LANCL3: variants seen among roughly 807,000 people sequenced by gnomAD.
LANCL3 encodes LanC like family member 3.
In LANCL3, 19 loss-of-function variants were observed where a neutral mutation model predicts 26.5. That is an observed-to-expected ratio of 0.72 (90% CI 0.50 to 1.05). The LOEUF is 1.05. LANCL3 is among the 50% of genes least tolerant of loss of function. The pLI is 0.00. For synonymous variants in LANCL3, 160 were observed against 166.6 expected (o/e 0.96, Z 0.30); for missense variants, 318 against 362.7 (o/e 0.88, Z 1.00).
chrX:37,667,478 C>A lies in LANCL3; in HGVS notation c.1092C>A (p.Tyr364Ter). ...YRLTGNSKYI[Y>*]RAQRFAQFLF... ...TCACGGGAAACTCTAAATACATCTA[C>A]CGAGCTCAAAGGTCAGCTGTTCTTT... The change falls in exon 4 of 5, where the codon TAC becomes TAA. Residue 364 changes from tyrosine (Y) to a stop codon, truncating the protein, a stop_gained. Transcript: ENST00000378619. LOFTEE classifies it high-confidence loss of function. The A allele has an allele frequency of 8.7e-7, 1 of 1,156,066 alleles. No individual in the cohort carries two copies. The highest frequency in any genetic ancestry group is 1.1e-6 in the Non-Finnish European group (1 of 872,120).
At chrX:37,641,110 G>C (rs922361407) in intron 1 of LANCL3, among the ~76,000 whole-genome samples, 1 of 110,978 alleles carries the variant, frequency 9.0e-6, no homozygotes, top group South Asian at 3.8e-4. Context: ...ATTATTAAAA[G>C]AAGCCAGAAA....
intron 1 of LANCL3, among the ~76,000 whole-genome samples, chrX:37,582,561 T>G (rs782050990): frequency 9.7e-4 from 109 of 112,362 alleles, no homozygotes; most frequent in Non-Finnish European, 1.7e-3. Context: ...TCATGTGTCT[T>G]TTGGCTGCAT....
chrX:37,602,610 T>C (rs17145741), intron 1 of LANCL3, among the ~76,000 whole-genome samples: 20,992 of 111,276 alleles, frequency 0.19, 3,173 homozygotes, highest in African/African-American at 0.51. Context: ...GTCAATGTTC[T>C]GCATGAGCTA....
chrX:37,635,291 A>T (rs1367827994), intron 1 of LANCL3, among the ~76,000 whole-genome samples: 2 of 112,217 alleles, frequency 1.8e-5, no homozygotes, highest in East Asian at 5.6e-4. Context: ...TTTCCTGTTG[A>T]TTTTTGAATG....
intron 1 of LANCL3, among the ~76,000 whole-genome samples, chrX:37,594,590 C>T (rs1248305377): frequency 8.9e-6 from 1 of 112,186 alleles, no homozygotes; most frequent in East Asian, 2.8e-4. Flanking sequence ...AAATTCTTCT[C>T]CAAAGTTGTG....
At chrX:37,634,508 A>G (rs1556425121) in intron 1 of LANCL3, among the ~76,000 whole-genome samples, 1 of 112,720 alleles carries the variant, frequency 8.9e-6, no homozygotes, top group African/African-American at 3.2e-5. Context: ...TCAGATGGAA[A>G]TGCAGAAATC....
intron 1 of LANCL3, among the ~76,000 whole-genome samples, chrX:37,650,200 G>T (rs782141164): frequency 5.6e-5 from 6 of 106,242 alleles, no homozygotes; most frequent in East Asian, 2.9e-4. Context: ...TGACTCAGGA[G>T]GCTGAGGCAG....
chrX:37,573,753 AT>A (rs1246388476), intron 1 of LANCL3, among the ~76,000 whole-genome samples: 1 of 109,683 alleles, frequency 9.1e-6, no homozygotes, highest in African/African-American at 3.3e-5. Flanking sequence ...CAATTTTCAA[AT>A]TTTTTTTTCC....
intron 3 of LANCL3, among the ~76,000 whole-genome samples, chrX:37,666,325 C>T (rs1294011305): frequency 8.9e-6 from 1 of 111,970 alleles, no homozygotes; most frequent in Non-Finnish European, 1.9e-5. Flanking sequence ...AGAGGGAAGT[C>T]AACCTCTACC....
chrX:37,578,421 T>C (rs1923809483), intron 1 of LANCL3, among the ~76,000 whole-genome samples: 1 of 112,375 alleles, frequency 8.9e-6, no homozygotes, highest in Non-Finnish European at 1.9e-5. Flanking sequence ...GTGACCTCCT[T>C]TATCCATTCG....
intron 1 of LANCL3, among the ~76,000 whole-genome samples, chrX:37,577,220 G>A (rs1459298390): frequency 1.8e-5 from 2 of 112,414 alleles, no homozygotes; most frequent in Non-Finnish European, 3.8e-5. Context: ...TTGTCAGTCT[G>A]GTGAAACCTA....
intron 1 of LANCL3, among the ~76,000 whole-genome samples, chrX:37,588,195 G>A (rs1427675430): frequency 9.9e-5 from 11 of 111,657 alleles, no homozygotes; most frequent in African/African-American, 3.6e-4. Flanking sequence ...GGTTAATTTA[G>A]TAAATGATGT....
Position 37,677,556 on chromosome X carries a change from G to A in LANCL3, c.*1743G>A, listed in dbSNP as rs1288393546. On this transcript the variant is annotated 3_prime_UTR_variant, in exon 5 of 5. Transcript: ENST00000378619. ...TCCTCAGATACAACCATATCAAATT[G>A]GCCTCAGTTGTTCATCAGTGAAAAT... 1.8e-5 allele frequency: 2 copies of A among 111,676 alleles called. No homozygotes were observed. Among genetic ancestry groups the A allele is most frequent in the Non-Finnish European group, 3.8e-5 (2 of 53,012 alleles). 9.2% of individuals were successfully genotyped at this position (111,676 alleles called of 1,213,427 possible).
At chrX:37,585,757 C>T (rs1274869687) in intron 1 of LANCL3, among the ~76,000 whole-genome samples, 12 of 111,354 alleles carry the variant, frequency 1.1e-4, no homozygotes, top group Admixed American at 6.6e-4. Context: ...TCCAATTTGC[C>T]GGTCTGTGTC....
intron 1 of LANCL3, among the ~76,000 whole-genome samples, chrX:37,607,966 G>A (rs185724734): frequency 1.8e-5 from 2 of 112,150 alleles, no homozygotes; most frequent in Non-Finnish European, 3.8e-5. Context: ...AAGGTATTTA[G>A]TCATTTTGAC....
intron 1 of LANCL3, among the ~76,000 whole-genome samples, chrX:37,580,774 T>C (rs1923872711): frequency 1.8e-5 from 2 of 110,779 alleles, no homozygotes; most frequent in South Asian, 7.9e-4. Context: ...AGTTTGACTT[T>C]TTGAGGTTCT....
rs1453186203 is a variant in LANCL3, at chrX:37,627,563, C to T, written c.574-28125C>T. Among the ~76,000 whole-genome samples the T allele has an allele frequency of 1.8e-5, 2 of 111,767 alleles. 1 individual carries two copies. The highest frequency in any genetic ancestry group is 5.6e-4 in the East Asian group (2 of 3,574). On this transcript the variant is annotated intron_variant, in intron 1 of 4. Coordinates refer to ENST00000378619, the MANE Select transcript of LANCL3 (RefSeq NM_001170331.2). The stretch of plus-strand genomic sequence containing the variant: ...AGGCCTCACAGCACACCTACTGACT[C>T]TGTACTTTAACAAGATTGCCAGGGA...
intron 3 of LANCL3, among the ~76,000 whole-genome samples, chrX:37,663,898 C>T (rs1556433250): frequency 9.0e-6 from 1 of 111,616 alleles, no homozygotes; most frequent in Non-Finnish European, 1.9e-5. Flanking sequence ...AGGAGCATGT[C>T]TTACCTGGAG....
Position 37,630,619 on chromosome X carries a change from C to A in LANCL3, c.574-25069C>A, listed in dbSNP as rs782783537. 4.2e-3 allele frequency among the ~76,000 whole-genome samples: 461 copies of A among 109,730 alleles called. 3 individuals are homozygous for A. The highest frequency in any genetic ancestry group is 5.3e-3 in the Non-Finnish European group (279 of 52,536). On this transcript the variant is annotated intron_variant, in intron 1 of 4. Transcript: ENST00000378619. ...AGATAGCTCTTATTATTTTGAGATACGTCCCATCAATACCTAATTTATTGA... is the reference window on the plus strand; with the variant it reads ...AGATAGCTCTTATTATTTTGAGATAAGTCCCATCAATACCTAATTTATTGA...
Sources: allele counts gnomAD v4.1 joint callset (sites outside exome capture counted in the v4.1 genomes callset), GRCh38; gene constraint gnomAD v4.1.1; transcripts MANE v1.5; gene names NCBI Gene and HGNC (gene_info 2026-07-23, HGNC 2026-07-21).